Variants in PIRT observed in about 807,000 individuals in gnomAD.
The protein encoded by PIRT is phosphoinositide interacting regulator of transient receptor potential channels.
A neutral mutation model predicts 7.9 loss-of-function variants in PIRT; 6 were observed. That is an observed-to-expected ratio of 0.76 (90% CI 0.42 to 1.51). The LOEUF (loss-of-function observed/expected upper bound fraction) is 1.51, where lower values mean the gene tolerates loss of function less well. Among genes scored for constraint, PIRT ranks in the 40% most tolerant of loss-of-function variants. The pLI is 0.01. For synonymous variants in PIRT, 78 were observed against 71.8 expected, an observed-to-expected ratio of 1.09 and a Z score of -0.44; for missense variants, 170 against 172.9, an observed-to-expected ratio of 0.98 and a Z score of 0.09.
intron 1 of PIRT, among the ~76,000 whole-genome samples, chr17:10,833,577 ACT>A (rs1181399158): frequency 6.6e-6 from 1 of 152,094 alleles, no homozygotes; most frequent in South Asian, 2.1e-4. Flanking sequence ...ACATGGTGAA[ACT>A]CTGTCTCTGC....
Position 10,824,989 on chromosome 17 carries a change from C to T in PIRT, c.*243G>A. 1.8e-6 allele frequency: 1 copy of T among 562,900 alleles called. No homozygotes were observed. The highest frequency in any genetic ancestry group is 3.1e-6 in the Non-Finnish European group (1 of 321,624). The allele number at this position is 562,900 out of a possible 1,614,324, so 34.9% of individuals were successfully genotyped here. On this transcript the variant is annotated 3_prime_UTR_variant, in exon 2 of 2. Transcript: ENST00000580256. ...TGCAGGGGCAGGGGGTTAGAGTGAC[C>T]AAAGGGAAGGCCACAGCCGGGATCC... is the stretch of plus-strand genomic sequence containing the variant.
Position 10,823,829 on chromosome 17 carries a change from G to A in PIRT, c.*1403C>T, listed in dbSNP as rs541570444. The A allele has an allele frequency of 3.3e-5, 5 of 152,304 alleles. No individual in the cohort carries two copies. Among genetic ancestry groups the A allele is most frequent in the East Asian group, 1.9e-4 (1 of 5,166 alleles). The allele number at this position is 152,304 out of a possible 1,614,324, so 9.4% of individuals were successfully genotyped here. A position where few individuals can be genotyped will look rare whatever the true frequency, so the allele number is the denominator to read the frequency against. ...TCAATGTGCCTCCAGGAGAAGCTGC[G>A]CTAGGCACTTGGTGAAGAGGTGGGA... On this transcript the variant is annotated 3_prime_UTR_variant, in exon 2 of 2. Transcript: ENST00000580256.
chr17:10,837,689 C>CCCTTCTTCCCAGTACACA (rs1171117266), intron 1 of PIRT, among the ~76,000 whole-genome samples: 21 of 152,192 alleles, frequency 1.4e-4, no homozygotes, highest in African/African-American at 4.8e-4. Context: ...CCCACAAATT[C>CCCTTCTTCCCAGTACACA]CCTTCTTCCC....
chr17:10,830,511 C>T (rs528711167), intron 1 of PIRT, among the ~76,000 whole-genome samples: 41 of 152,276 alleles, frequency 2.7e-4, no homozygotes, highest in African/African-American at 7.2e-4. Context: ...CATAGGGTTG[C>T]GGTACAGTCA....
At chr17:10,833,547 G>A (rs1905512797) in intron 1 of PIRT, among the ~76,000 whole-genome samples, 1 of 152,130 alleles carries the variant, frequency 6.6e-6, no homozygotes, top group Non-Finnish European at 1.5e-5. Flanking sequence ...GAGGTCAGGA[G>A]TTCGAGACCA....
At chr17:10,835,410 A>G (rs8074465) in intron 1 of PIRT, among the ~76,000 whole-genome samples, 152,347 of 152,350 alleles carry the variant, frequency 1, 76,172 homozygotes, top group Non-Finnish European at 1. Context: ...GAGGATCAGA[A>G]AGGTATAAGT....
intron 1 of PIRT, among the ~76,000 whole-genome samples, chr17:10,831,167 C>G (rs1482644441): frequency 1.3e-5 from 2 of 152,190 alleles, no homozygotes; most frequent in Non-Finnish European, 2.9e-5. Context: ...TGCTGCAGCT[C>G]TGTCGGGGAC....
At chr17:10,829,961 GTCTGTCTATCTA>G (rs1444622807) in intron 1 of PIRT, among the ~76,000 whole-genome samples, 1 of 140,352 alleles carries the variant, frequency 7.1e-6, no homozygotes, top group Non-Finnish European at 1.6e-5. Flanking sequence ...GTAGATGTCT[GTCTGTCTATCTA>G]TCTATCTATC....
chr17:10,837,117 A>G (rs1012616619), intron 1 of PIRT, among the ~76,000 whole-genome samples: 1 of 152,316 alleles, frequency 6.6e-6, no homozygotes, highest in Admixed American at 6.5e-5. Context: ...TCACCTGCTC[A>G]TAGCGCTTCT....
Position 10,836,453 on chromosome 17 carries a change from A to AC in PIRT, c.-139+1491dup, listed in dbSNP as rs560633670. Among the ~76,000 whole-genome samples, 508 of 152,354 alleles carry AC rather than the reference A, an allele frequency of 3.3e-3. 2 individuals are homozygous for AC. Among genetic ancestry groups the AC allele is most frequent in the Non-Finnish European group, 5.6e-3 (382 of 68,036 alleles). ...GTTACAGTTCAGCCTCAGATCAACA[A>AC]CGGATAGTTTTTTTCATGTAAGAAT... On this transcript the variant is annotated intron_variant, in intron 1 of 1. Transcript: ENST00000580256.
At position 10,825,659 on chromosome 17, in the gene PIRT, T is replaced by G. The variant is rs1905297477; in HGVS notation, c.-14A>C. 6.9e-7 allele frequency: 1 copy of G among 1,459,522 alleles called. No homozygotes were observed. The highest frequency in any genetic ancestry group is 1.5e-5 in the South Asian group (1 of 67,760). 90.4% of individuals were successfully genotyped at this position (1,459,522 alleles called of 1,614,324 possible). A position where few individuals can be genotyped will look rare whatever the true frequency, so the allele number is the denominator to read the frequency against. The stretch of plus-strand genomic sequence containing the variant: ...CTCCATCGTCATGGTTGCTCAGGAC[T>G]GGGCGCCTAGGACCAGCAATAGTTG... On this transcript the variant is annotated 5_prime_UTR_variant, in exon 2 of 2. Coordinates refer to ENST00000580256, the MANE Select transcript of PIRT (RefSeq NM_001101387.2).
chr17:10,824,893 T>A lies in PIRT; in HGVS notation c.*339A>T, dbSNP rs983161015. ...TAAACATGAGGTTCTCCCTTGGGCA[T>A]AGCCCACCTTCGAAGAATTTCCCAG... On this transcript the variant is annotated 3_prime_UTR_variant, in exon 2 of 2. Coordinates refer to ENST00000580256, the MANE Select transcript of PIRT (RefSeq NM_001101387.2). The A allele has an allele frequency of 6.8e-6, 2 of 295,670 alleles. No homozygotes were observed. Among genetic ancestry groups the A allele is most frequent in the East Asian group, 1.4e-4 (2 of 14,040 alleles). The allele number at this position is 295,670 out of a possible 1,614,324, so 18.3% of individuals were successfully genotyped here. A position where few individuals can be genotyped will look rare whatever the true frequency, so the allele number is the denominator to read the frequency against.
intron 1 of PIRT, among the ~76,000 whole-genome samples, chr17:10,831,619 C>G (rs1469675235): frequency 6.6e-6 from 1 of 152,172 alleles, no homozygotes; most frequent in Non-Finnish European, 1.5e-5. Flanking sequence ...CCACTAACAC[C>G]TTAATTTTAG....
At chr17:10,831,862 C>T (rs1201683515) in intron 1 of PIRT, among the ~76,000 whole-genome samples, 2 of 152,178 alleles carry the variant, frequency 1.3e-5, no homozygotes, top group African/African-American at 2.4e-5. Context: ...AATGTCAGCT[C>T]GCCTGCAGGG....
intron 1 of PIRT, among the ~76,000 whole-genome samples, chr17:10,833,710 C>T (rs188369172): frequency 2.6e-4 from 39 of 151,912 alleles, no homozygotes; most frequent in African/African-American, 6.8e-4. Flanking sequence ...GCCGAGATCT[C>T]GCCACTGCAC....
intron 1 of PIRT, among the ~76,000 whole-genome samples, chr17:10,826,545 A>G (rs1024542943): frequency 6.6e-6 from 1 of 152,252 alleles, no homozygotes; most frequent in Non-Finnish European, 1.5e-5. Flanking sequence ...TGTGCCAGAC[A>G]CTGCATCAAA....
Position 10,826,253 on chromosome 17 carries a change from C to T in PIRT, c.-138-470G>A, listed in dbSNP as rs148912444. Among the ~76,000 whole-genome samples, 1,032 of 152,272 alleles carry T rather than the reference C, an allele frequency of 6.8e-3. 12 individuals carry two copies. The highest frequency in any genetic ancestry group is 0.022 in the African/African-American group (918 of 41,552). The stretch of plus-strand genomic sequence containing the variant: ...TGCTGGGATTACAGGCATGAGCCAC[C>T]GCACCCGGCCAGCTATATTTTGTTG... On this transcript the variant is annotated intron_variant, in intron 1 of 1. Transcript: ENST00000580256.
chr17:10,835,566 G>T (rs1905568156), intron 1 of PIRT, among the ~76,000 whole-genome samples: 1 of 152,240 alleles, frequency 6.6e-6, no homozygotes, highest in African/African-American at 2.4e-5. Context: ...TATGGGAAAA[G>T]CAAGTGGGGA....
chr17:10,830,627 T>C (rs891288696), intron 1 of PIRT, among the ~76,000 whole-genome samples: 1 of 152,256 alleles, frequency 6.6e-6, no homozygotes, highest in African/African-American at 2.4e-5. Context: ...TTTTTCCATT[T>C]ATAAAATGAA....
Sources: gnomAD v4.1 joint callset for allele counts (sites outside exome capture counted in the v4.1 genomes callset) on GRCh38, gnomAD v4.1.1 for gene constraint, MANE v1.5 for transcripts, NCBI Gene and HGNC (gene_info 2026-07-23, HGNC 2026-07-21) for gene names.